Variants in GSE1 observed in about 807,000 individuals in gnomAD.
GSE1 encodes the protein Gse1 coiled-coil protein.
Under a neutral mutation model 112.6 loss-of-function variants are expected in GSE1, and 32 were observed. The ratio of observed to expected loss-of-function variants is 0.28; its 90% CI spans 0.21 to 0.38. The LOEUF (loss-of-function observed/expected upper bound fraction) is 0.38, where lower values mean the gene tolerates loss of function less well. GSE1 is among the 10% of genes least tolerant of loss of function. The pLI is 1.00. For synonymous variants in GSE1, 1,115 were observed against 735.6 expected, an observed-to-expected ratio of 1.52 and a Z score of -8.35; for missense variants, 2,348 against 1,699.2, an observed-to-expected ratio of 1.38 and a Z score of -6.71.
intron 2 of GSE1, among the ~76,000 whole-genome samples, chr16:85,508,116 T>C (rs1386498885): frequency 6.6e-6 from 1 of 152,118 alleles, no homozygotes; most frequent in Non-Finnish European, 1.5e-5. Flanking sequence ...CTCACTGCAA[T>C]GTCCGTCCTC....
intron 2 of GSE1, among the ~76,000 whole-genome samples, chr16:85,473,776 C>A (rs1017650435): frequency 6.6e-6 from 1 of 151,730 alleles, no homozygotes; most frequent in African/African-American, 2.4e-5. Context: ...TTTTGCGGGG[C>A]GGAGGGGGGG....
In GSE1 at chr16:85,666,061, G is replaced by C; in HGVS notation, c.2844G>C (p.Glu948Asp). 6.2e-7 allele frequency: 1 copy of C among 1,613,552 alleles called. No individual in the cohort carries two copies. The highest frequency in any genetic ancestry group is 8.5e-7 in the Non-Finnish European group (1 of 1,180,018). ...TGTCTGACATCCCAAAGGCCGCGGA[G>C]CCTGGGAAGCTGGAACAGGTCCGGC... ...ASLSDIPKAA[E>D]PGKLEQVRPQ... Residue 948 changes from glutamate (E) to aspartate (D), a missense_variant, in exon 13 of 16, where the codon GAG becomes GAC. Transcript: ENST00000253458.
chr16:85,328,864 C>T (rs1267995976), intron 1 of GSE1, among the ~76,000 whole-genome samples: 2 of 152,170 alleles, frequency 1.3e-5, no homozygotes, highest in African/African-American at 2.4e-5. Context: ...ACAGAGGAGA[C>T]CACCCAGACC....
At chr16:85,614,210 GCCTCCCCGCCCCCAGC>G (rs1381810263) in intron 1 of GSE1, among the ~76,000 whole-genome samples, 2 of 151,640 alleles carry the variant, frequency 1.3e-5, no homozygotes, top group Non-Finnish European at 2.9e-5. Context: ...GCCTGGATGC[GCCTCCCCGCCCCCAGC>G]CCTCCCGGGC....
intron 2 of GSE1, among the ~76,000 whole-genome samples, chr16:85,415,290 C>T (rs117076104): frequency 0.014 from 2,181 of 152,256 alleles, 154 homozygotes; most frequent in Admixed American, 0.13. Context: ...TTTGGGTCCC[C>T]CTGGGGAGGG....
At chr16:85,314,390 C>G (rs1465531190) in intron 1 of GSE1, among the ~76,000 whole-genome samples, 3 of 152,174 alleles carry the variant, frequency 2.0e-5, no homozygotes, top group Admixed American at 6.5e-5. Context: ...GTGAAGCATG[C>G]AGGATGCCAT....
chr16:85,265,918 C>T (rs1408760239), intron 1 of GSE1, among the ~76,000 whole-genome samples: 1 of 152,176 alleles, frequency 6.6e-6, no homozygotes, highest in East Asian at 1.9e-4. Flanking sequence ...CTGGCCTTGA[C>T]ATTTTCTGGG....
At chr16:85,259,483 G>A (rs886818349) in intron 1 of GSE1, among the ~76,000 whole-genome samples, 3 of 152,348 alleles carry the variant, frequency 2.0e-5, no homozygotes, top group Admixed American at 1.3e-4. Context: ...GCTGTCCTGC[G>A]GGGTGTGGGC....
intron 1 of GSE1, among the ~76,000 whole-genome samples, chr16:85,198,547 T>A (rs1597781634): frequency 6.7e-6 from 1 of 149,138 alleles, no homozygotes; most frequent in East Asian, 2.0e-4. Context: ...GCTGGGAGGG[T>A]CGGGATGGGG....
chr16:85,676,192 C>A lies in GSE1; in HGVS notation c.*3653C>A, dbSNP rs1033218949. Reference sequence around the variant, plus strand: ...GACAACATCCAAAAAATAAAATCTTCCTAAATTATGTTAAGAGGAAAATCT... The same window carrying A: ...GACAACATCCAAAAAATAAAATCTTACTAAATTATGTTAAGAGGAAAATCT... On this transcript the variant is annotated 3_prime_UTR_variant, in exon 16 of 16. Coordinates refer to ENST00000253458, the MANE Select transcript of GSE1 (RefSeq NM_014615.5). The A allele has an allele frequency of 6.6e-6, 1 of 152,598 alleles. No individual in the cohort carries two copies. Among genetic ancestry groups the A allele is most frequent in the Non-Finnish European group, 1.5e-5 (1 of 68,040 alleles). 9.5% of individuals were successfully genotyped at this position (152,598 alleles called of 1,614,324 possible). A position where few individuals can be genotyped will look rare whatever the true frequency, so the allele number is the denominator to read the frequency against.
chr16:85,173,949 T>A (rs1289702323), intron 1 of GSE1, among the ~76,000 whole-genome samples: 1 of 152,196 alleles, frequency 6.6e-6, no homozygotes, highest in African/African-American at 2.4e-5. Flanking sequence ...GGCCTTCTTA[T>A]ATCATTTTAT....
chr16:85,486,369 G>A (rs2050839559), intron 2 of GSE1, among the ~76,000 whole-genome samples: 1 of 152,188 alleles, frequency 6.6e-6, no homozygotes, highest in Admixed American at 6.5e-5. Flanking sequence ...AGCCTTCCAA[G>A]GGCAGCAGGG....
At chr16:85,565,089 G>A (rs1031376747) in intron 1 of GSE1, among the ~76,000 whole-genome samples, 1 of 152,070 alleles carries the variant, frequency 6.6e-6, no homozygotes, top group African/African-American at 2.4e-5. Context: ...GGGAACCTGG[G>A]TTCTTAAAAG....
At chr16:85,661,027 C>G (rs2052384689) in intron 8 of GSE1, 119 bp from the exon 9 acceptor site, 2 of 871,154 alleles carry the variant, frequency 2.3e-6, no homozygotes, top group East Asian at 4.9e-5. Context: ...CCTGTTGGCA[C>G]TGGCTCTCTA....
chr16:85,423,539 G>A lies in GSE1; in HGVS notation c.2464+65896G>A, dbSNP rs1279909998. Among the ~76,000 whole-genome samples, 6 of 152,098 alleles carry A rather than the reference G, an allele frequency of 3.9e-5. No homozygotes were observed. The South Asian group carries it at 1.2e-3, about 32-fold the overall frequency. On this transcript the variant is annotated intron_variant, in intron 2 of 2. Transcript: ENST00000637419. ...GGGCCTCAACACAGGCTGGGGGGCC[G>A]CTGAGCCCCTGGAGAGCCACCATGC...
At chr16:85,340,646 C>T (rs2046605244) in intron 1 of GSE1, among the ~76,000 whole-genome samples, 1 of 151,998 alleles carries the variant, frequency 6.6e-6, no homozygotes, top group Admixed American at 6.6e-5. Flanking sequence ...GTCCCAAAAA[C>T]AAACAAAGAA....
rs1354319839 is a variant in GSE1 at position 85,497,002 on chromosome 16, G to C, written c.2465-136912G>C. Reference sequence around the variant, plus strand: ...CAACCTCTGCCTCCCAGGTTCAAGCGATTCTCCTGCCTCAGCCTCCCGAGT... The same window carrying C: ...CAACCTCTGCCTCCCAGGTTCAAGCCATTCTCCTGCCTCAGCCTCCCGAGT... On this transcript the variant is annotated intron_variant, in intron 2 of 2. Coordinates refer to the GSE1 transcript ENST00000637419. Among the ~76,000 whole-genome samples, 3 of 151,960 alleles carry C rather than the reference G, an allele frequency of 2.0e-5. No individual in the cohort carries two copies. In the East Asian group the frequency reaches 5.8e-4, roughly 29 times the overall value.
intron 2 of GSE1, among the ~76,000 whole-genome samples, chr16:85,524,154 G>A (rs539158357): frequency 3.3e-5 from 5 of 152,234 alleles, no homozygotes; most frequent in South Asian, 2.1e-4. Flanking sequence ...AAACCTCCCC[G>A]TCTGATTCCT....
Position 85,670,977 on chromosome 16 carries a change from C to T in GSE1, c.3416-18C>T, listed in dbSNP as rs541585995. On this transcript the variant is annotated intron_variant, in intron 14 of 15. Coordinates refer to ENST00000253458, the MANE Select transcript of GSE1 (RefSeq NM_014615.5). Reference sequence around the variant, plus strand: ...CTCCTGCATACGGAAAATACATCACCATCTCCTGTCTTTTCAGAGCAAAAT... The same window carrying T: ...CTCCTGCATACGGAAAATACATCACTATCTCCTGTCTTTTCAGAGCAAAAT... 125 of 1,495,066 alleles carry T rather than the reference C, an allele frequency of 8.4e-5. No individual in the cohort carries two copies. The highest frequency in any genetic ancestry group is 6.7e-4 in the South Asian group (59 of 88,644). The allele number at this position is 1,495,066 out of a possible 1,614,324, so 92.6% of individuals were successfully genotyped here.
Sources: gnomAD v4.1 joint callset for allele counts (sites outside exome capture counted in the v4.1 genomes callset) on GRCh38, gnomAD v4.1.1 for gene constraint, MANE v1.5 for transcripts, NCBI Gene and HGNC (gene_info 2026-07-23, HGNC 2026-07-21) for gene names.